The following SGIP1 variants were observed in gnomAD, a reference collection of about 807,000 sequenced individuals.
SGIP1 encodes SH3-containing GRB2-like protein 3-interacting protein 1.
A neutral mutation model predicts 107.5 loss-of-function variants in SGIP1; 38 were observed. The ratio of observed to expected loss-of-function variants is 0.35; its 90% CI spans 0.27 to 0.46. The LOEUF (loss-of-function observed/expected upper bound fraction) is 0.46. Ranked by LOEUF, SGIP1 falls within the 20% of genes least tolerant of loss-of-function variation. The pLI is 1.00. For missense variants in SGIP1, 929 were observed against 1,019.5 expected (o/e 0.91, Z 1.21); for synonymous variants, 365 against 366.1 (o/e 1.00, Z 0.03).
At position 66,677,077 on chromosome 1, in the gene SGIP1, A is replaced by G; in HGVS notation, c.720A>G (p.Thr240=). 1 of 1,613,974 alleles carries G rather than the reference A, an allele frequency of 6.2e-7. No individual in the cohort carries two copies. Among genetic ancestry groups the G allele is most frequent in the Non-Finnish European group, 8.5e-7 (1 of 1,179,932 alleles). Residue 240 remains threonine (T), a synonymous_variant, in exon 13 of 25, where the codon ACA becomes ACG. Coordinates refer to ENST00000371037, the MANE Select transcript of SGIP1 (RefSeq NM_032291.4). ...INPSMESPKL[T]RPFPTGTPPP... The stretch of plus-strand genomic sequence containing the variant: ...CAAGCATGGAGTCGCCAAAGTTAAC[A>G]AGGCCTTTTCCCACTGGAAGTAAGT...
intron 1 of SGIP1, among the ~76,000 whole-genome samples, chr1:66,566,792 C>T (rs2059702613): frequency 6.6e-6 from 1 of 151,852 alleles, no homozygotes; most frequent in Admixed American, 6.6e-5. Context: ...TTGCTGCACC[C>T]ATCAACCCGT....
chr1:66,545,163 C>T lies in SGIP1; in HGVS notation c.10+10795C>T, dbSNP rs576896839. 7.8e-4 allele frequency among the ~76,000 whole-genome samples: 119 copies of T among 152,288 alleles called. 1 individual carries two copies. Among genetic ancestry groups the T allele is most frequent in the African/African-American group, 2.8e-3 (115 of 41,566 alleles). On this transcript the variant is annotated intron_variant, in intron 1 of 24. Transcript: ENST00000371037. ...CAAAAGACATCAATTTCCTCATCTG[C>T]CTTTGATTGTTTACCATGCTTCTAA...
chr1:66,635,221 G>A (rs368957067), intron 3 of SGIP1, among the ~76,000 whole-genome samples: 14 of 152,322 alleles, frequency 9.2e-5, no homozygotes, highest in South Asian at 6.2e-4. Context: ...TAGAGGCTTC[G>A]CAGCAGGGCT....
intron 1 of SGIP1, among the ~76,000 whole-genome samples, chr1:66,597,738 G>A (rs1434790568): frequency 2.0e-5 from 3 of 152,142 alleles, no homozygotes; most frequent in African/African-American, 7.2e-5. Context: ...CCTTCTCAGA[G>A]TATGGGACTT....
intron 1 of SGIP1, among the ~76,000 whole-genome samples, chr1:66,600,039 A>T (rs747620855): frequency 6.6e-6 from 1 of 152,164 alleles, no homozygotes; most frequent in Admixed American, 6.5e-5. Context: ...GGTTTGACAC[A>T]TTGGTCTCCA....
intron 8 of SGIP1, among the ~76,000 whole-genome samples, chr1:66,665,618 T>A (rs1272948404): frequency 1.3e-5 from 2 of 152,194 alleles, no homozygotes; most frequent in African/African-American, 4.8e-5. Flanking sequence ...TTTCTCCACA[T>A]CCTCTCCAGC....
intron 18 of SGIP1, among the ~76,000 whole-genome samples, chr1:66,708,548 A>T (rs1405066144): frequency 6.6e-6 from 1 of 152,214 alleles, no homozygotes; most frequent in African/African-American, 2.4e-5. Flanking sequence ...CATATTTAAC[A>T]ATAGTATTTT....
intron 13 of SGIP1, among the ~76,000 whole-genome samples, chr1:66,678,083 A>G (rs538313224): frequency 2.6e-4 from 39 of 152,358 alleles, no homozygotes; most frequent in South Asian, 6.2e-4. Context: ...AAACATCATT[A>G]TCAACAATTT....
chr1:66,631,093 AAGAAAG>A (rs2074549428), intron 2 of SGIP1, among the ~76,000 whole-genome samples: 1 of 139,490 alleles, frequency 7.2e-6, no homozygotes, highest in Non-Finnish European at 1.6e-5. Context: ...GAAAGAAAGA[AAGAAAG>A]AAAAAAAGAA....
intron 8 of SGIP1, among the ~76,000 whole-genome samples, chr1:66,660,887 T>C (rs1435808513): frequency 2.0e-5 from 3 of 152,336 alleles, no homozygotes; most frequent in Non-Finnish European, 4.4e-5. Flanking sequence ...GTTTTATAAG[T>C]TAATTTTTGA....
intron 1 of SGIP1, among the ~76,000 whole-genome samples, chr1:66,580,405 T>C (rs1472816204): frequency 6.6e-6 from 1 of 152,212 alleles, no homozygotes; most frequent in Non-Finnish European, 1.5e-5. Context: ...AGTAGGTCTC[T>C]ACTCAGATAT....
At chr1:66,670,137 A>G (rs541246746) in intron 9 of SGIP1, among the ~76,000 whole-genome samples, 18 of 152,208 alleles carry the variant, frequency 1.2e-4, no homozygotes, top group Non-Finnish European at 2.1e-4. Flanking sequence ...ATCCCAAGCC[A>G]TGCTGTACCC....
chr1:66,689,160 C>T lies in SGIP1; in HGVS notation c.1328C>T (p.Pro443Leu), dbSNP rs1009397883. Residue 443 changes from proline to leucine, a missense_variant, in exon 16 of 25, where the codon CCT becomes CTT. This residue lies in a region of SGIP1 where 588 missense variants were observed against 588.6 expected (regional missense o/e 1.00). Transcript: ENST00000371037. Reference sequence around the variant, plus strand: ...GTTTGTTTTTCAGGTGCATCATCCCCTGCTCGACCAGCCACTCCTTTGGTT... The same window carrying T: ...GTTTGTTTTTCAGGTGCATCATCCCTTGCTCGACCAGCCACTCCTTTGGTT... ...GPGTTSGASS[P>L]ARPATPLVPC... The T allele has an allele frequency of 6.2e-7, 1 of 1,613,268 alleles. No homozygotes were observed. Among genetic ancestry groups the T allele is most frequent in the African/African-American group, 1.3e-5 (1 of 74,850 alleles).
chr1:66,694,834 A>G lies in SGIP1; in HGVS notation c.1571-600A>G, dbSNP rs150417019. On this transcript the variant is annotated intron_variant, in intron 17 of 24. Transcript: ENST00000371037. ...CGGTCACTGCTTTTTAATTTAAAAA[A>G]TAATAGAGCATCATTAGTAATCTTG... is the stretch of plus-strand genomic sequence containing the variant. The G allele has an allele frequency of 4.2e-4, 114 of 270,172 alleles. No homozygotes were observed. In the East Asian group the frequency reaches 7.8e-3, roughly 18 times the overall value. 16.7% of individuals were successfully genotyped at this position (270,172 alleles called of 1,614,324 possible).
In SGIP1 at chr1:66,660,142, AGAG is replaced by A. The variant is rs374463526; in HGVS notation, c.460-370_460-368del. ...AAGGAAAGAAAGAAAGAAAGAAAGA[AGAG>A]AGAAAGAAAGAAAGAAAGAAAGAAA... On this transcript the variant is annotated intron_variant, in intron 7 of 24. Coordinates refer to ENST00000371037, the MANE Select transcript of SGIP1 (RefSeq NM_032291.4). 0.011 allele frequency: 366 copies of A among 33,798 alleles called. 24 individuals carry two copies. The East Asian group carries it at 0.2, about 19-fold the overall frequency. The allele number at this position is 33,798 out of a possible 1,614,324, so 2.1% of individuals were successfully genotyped here. A position where few individuals can be genotyped will look rare whatever the true frequency, so the allele number is the denominator to read the frequency against.
intron 5 of SGIP1, 33 bp downstream of exon 5, chr1:66,639,866 G>C: frequency 6.4e-7 from 1 of 1,558,316 alleles, no homozygotes; most frequent in Non-Finnish European, 8.8e-7. Flanking sequence ...TCTTTATTAA[G>C]TATTTTACAG....
intron 1 of SGIP1, among the ~76,000 whole-genome samples, chr1:66,577,756 CTGTGTGTG>C (rs6143251): frequency 0.01 from 1,510 of 145,014 alleles, 11 homozygotes; most frequent in African/African-American, 0.028. Flanking sequence ...TAATGCAGTC[CTGTGTGTG>C]TGTGTGTGTG....
intron 18 of SGIP1, among the ~76,000 whole-genome samples, chr1:66,718,811 T>C (rs1046340796): frequency 6.6e-6 from 1 of 152,138 alleles, no homozygotes; most frequent in African/African-American, 2.4e-5. Flanking sequence ...GTAACTGGGC[T>C]TTTTGAAATG....
At chr1:66,742,417 A>G (rs1204091576) in intron 24 of SGIP1, among the ~76,000 whole-genome samples, 1 of 148,470 alleles carries the variant, frequency 6.7e-6, no homozygotes, top group Non-Finnish European at 1.5e-5. Context: ...TTTCGCTCTC[A>G]AAAATGATCC....
Sources: allele counts gnomAD v4.1 joint callset (sites outside exome capture counted in the v4.1 genomes callset), GRCh38; gene constraint gnomAD v4.1.1; regional missense constraint gnomAD v4.1.1; transcripts MANE v1.5; gene names NCBI Gene and HGNC (gene_info 2026-07-23, HGNC 2026-07-21).